Variants in RAP1A observed in about 807,000 individuals in gnomAD.
The protein encoded by RAP1A is RAP1A, member of RAS oncogene family.
A neutral mutation model predicts 26.4 loss-of-function variants in RAP1A; 6 were observed. The observed-to-expected ratio is 0.23, with a 90% CI of 0.12 to 0.45. The LOEUF (loss-of-function observed/expected upper bound fraction) is 0.45, where lower values mean the gene tolerates loss of function less well. Ranked by LOEUF, RAP1A falls within the 20% of genes least tolerant of loss-of-function variation. The pLI, the probability that RAP1A is intolerant of heterozygous loss-of-function variation, is 0.99. For missense variants in RAP1A, 121 were observed against 217.2 expected (o/e 0.56, Z 2.78); for synonymous variants, 73 against 79.4 (o/e 0.92, Z 0.43).
chr1:111,614,925 C>A (rs1276568340), upstream of RAP1A, among the ~76,000 whole-genome samples: 1 of 151,964 alleles, frequency 6.6e-6, no homozygotes, highest in African/African-American at 2.4e-5. Context: ...ATATAAGTGC[C>A]ATAGGTGTGG....
intron 1 of RAP1A, among the ~76,000 whole-genome samples, chr1:111,682,321 T>C (rs921227380): frequency 9.9e-5 from 15 of 151,932 alleles, no homozygotes; most frequent in Non-Finnish European, 1.6e-4. Context: ...AATTCACACA[T>C]AACAATATTA....
chr1:111,576,631 C>G (rs1658151613), intron 1 of RAP1A, among the ~76,000 whole-genome samples: 1 of 152,222 alleles, frequency 6.6e-6, no homozygotes, highest in Admixed American at 6.5e-5. Context: ...TGCTGCTCCT[C>G]TGGAAGGGTG....
At chr1:111,659,435 GTATTTA>G (rs965120067) in intron 1 of RAP1A, among the ~76,000 whole-genome samples, 35 of 151,892 alleles carry the variant, frequency 2.3e-4, no homozygotes, top group African/African-American at 8.4e-4. Flanking sequence ...GGGGTCTACT[GTATTTA>G]TATTTAAAGT....
chr1:111,593,894 G>C (rs986837375), intron 1 of RAP1A, among the ~76,000 whole-genome samples: 1 of 152,044 alleles, frequency 6.6e-6, no homozygotes, highest in Non-Finnish European at 1.5e-5. Context: ...TTTGAAAAAA[G>C]AATTATAAAA....
At chr1:111,627,592 A>G (rs987724902) in intron 1 of RAP1A, 2 of 152,118 alleles carry the variant, frequency 1.3e-5, no homozygotes, top group Admixed American at 1.3e-4. Flanking sequence ...TGCCAATGTG[A>G]TAGATATCTG....
intron 1 of RAP1A, among the ~76,000 whole-genome samples, chr1:111,677,249 TTATC>T (rs1457173672): frequency 6.6e-6 from 1 of 152,246 alleles, no homozygotes; most frequent in Non-Finnish European, 1.5e-5. Context: ...ATATCACAAT[TTATC>T]TACTCACCTC....
chr1:111,699,431 C>T (rs1447226393), intron 4 of RAP1A, among the ~76,000 whole-genome samples: 1 of 148,724 alleles, frequency 6.7e-6, no homozygotes, highest in Non-Finnish European at 1.5e-5. Flanking sequence ...CTCCATTACT[C>T]ACTACTTTTT....
chr1:111,578,761 C>G (rs1658193470), intron 1 of RAP1A, among the ~76,000 whole-genome samples: 1 of 152,196 alleles, frequency 6.6e-6, no homozygotes, highest in South Asian at 2.1e-4. Context: ...GATATAGCAT[C>G]AGATCCCAGT....
At chr1:111,702,643 C>G (rs187108364) in intron 4 of RAP1A, among the ~76,000 whole-genome samples, 131 of 151,858 alleles carry the variant, frequency 8.6e-4, no homozygotes, top group African/African-American at 3.1e-3. Flanking sequence ...TGTTGGCTCA[C>G]TGCAACCTCC....
chr1:111,712,424 G>A lies in RAP1A; in HGVS notation c.*30-7G>A, dbSNP rs1275092852. 1 of 152,430 alleles carries A rather than the reference G, an allele frequency of 6.6e-6. No homozygotes were observed. Among genetic ancestry groups the A allele is most frequent in the African/African-American group, 2.4e-5 (1 of 41,422 alleles). The allele number at this position is 152,430 out of a possible 1,614,324, so 9.4% of individuals were successfully genotyped here. On this transcript the variant is annotated splice_polypyrimidine_tract_variant and splice_region_variant and intron_variant, in intron 7 of 7. Coordinates refer to ENST00000369709, the MANE Select transcript of RAP1A (RefSeq NM_002884.4). Reference sequence around the variant, plus strand: ...ACATATATGTATATCTGTATCCAATGTCTTAGATTACAGGAATGAAGAACT... The same window carrying A: ...ACATATATGTATATCTGTATCCAATATCTTAGATTACAGGAATGAAGAACT...
Position 111,619,813 on chromosome 1 carries a change from G to A in RAP1A, c.-149G>A, listed in dbSNP as rs1047607897. On this transcript the variant is annotated 5_prime_UTR_variant, in exon 1 of 8. Coordinates refer to ENST00000369709, the MANE Select transcript of RAP1A (RefSeq NM_002884.4). The stretch of plus-strand genomic sequence containing the variant: ...CGCCGCCGCTCCCGAGGCCCCTGCC[G>A]CCGCCGCTCCCGCTGCTGTCGCCGC... The A allele has an allele frequency of 4.5e-5, 18 of 399,540 alleles. No homozygotes were observed. Among genetic ancestry groups the A allele is most frequent in the Admixed American group, 1.3e-4 (3 of 22,644 alleles). The allele number at this position is 399,540 out of a possible 1,614,324, so 24.7% of individuals were successfully genotyped here.
rs1662260207 is a variant in RAP1A, at chr1:111,708,233, A to C, written c.469-916A>C. 3.0e-5 allele frequency among the ~76,000 whole-genome samples: 3 copies of C among 100,460 alleles called. No homozygotes were observed. The South Asian group carries it at 1.2e-3, about 39-fold the overall frequency. 65.9% of individuals were successfully genotyped at this position (100,460 alleles called of 152,430 possible). ...TTGTTATTTCAAATCAAGGATTAGC[A>C]GACTTTTTCTACTTTTTACGTTTAA... On this transcript the variant is annotated intron_variant, in intron 6 of 7. Coordinates refer to ENST00000369709, the MANE Select transcript of RAP1A (RefSeq NM_002884.4).
At chr1:111,573,998 C>A (rs1025935069) in intron 1 of RAP1A, among the ~76,000 whole-genome samples, 1 of 152,064 alleles carries the variant, frequency 6.6e-6, no homozygotes, top group African/African-American at 2.4e-5. Flanking sequence ...TTGTTGCAAT[C>A]GCTTTTGACA....
intron 1 of RAP1A, among the ~76,000 whole-genome samples, chr1:111,647,887 A>G (rs1402783578): frequency 6.6e-6 from 1 of 152,240 alleles, no homozygotes; most frequent in South Asian, 2.1e-4. Context: ...ATGTTTAGTC[A>G]TAGGTATTTA....
intron 1 of RAP1A, among the ~76,000 whole-genome samples, chr1:111,669,027 A>AG (rs1660890026): frequency 1.9e-5 from 1 of 52,762 alleles, no homozygotes; most frequent in Non-Finnish European, 3.6e-5. Flanking sequence ...CTATCTCAAG[A>AG]AAAAAAAAAA....
At chr1:111,591,288 C>T (rs2800881) in intron 1 of RAP1A, among the ~76,000 whole-genome samples, 96,964 of 151,848 alleles carry the variant, frequency 0.64, 31,104 homozygotes, top group South Asian at 0.7. Flanking sequence ...GCTTTTTGTT[C>T]TCCTGATCCT....
chr1:111,544,291 T>G (rs1193060973), intron 1 of RAP1A, among the ~76,000 whole-genome samples: 1 of 152,188 alleles, frequency 6.6e-6, no homozygotes, highest in Non-Finnish European at 1.5e-5. Context: ...AACTCAGTAA[T>G]TTTTAGTATA....
chr1:111,658,364 ATAAAG>A (rs1660531377), intron 1 of RAP1A, among the ~76,000 whole-genome samples: 1 of 152,190 alleles, frequency 6.6e-6, no homozygotes. Context: ...AAGTAAATAA[ATAAAG>A]TAAATCATTC....
chr1:111,710,438 A>G (rs991868406), intron 7 of RAP1A, among the ~76,000 whole-genome samples: 1 of 152,226 alleles, frequency 6.6e-6, no homozygotes, highest in Admixed American at 6.5e-5. Context: ...AATCAGTTCT[A>G]TAAATAATAC....
Sources: allele counts gnomAD v4.1 joint callset (sites outside exome capture counted in the v4.1 genomes callset), GRCh38; gene constraint gnomAD v4.1.1; transcripts MANE v1.5; gene names NCBI Gene and HGNC (gene_info 2026-07-23, HGNC 2026-07-21).